Variants in CTDSPL observed in about 807,000 individuals in gnomAD.
CTDSPL encodes CTD small phosphatase like.
CTDSPL carries 8 observed loss-of-function variants against 30.5 expected under a neutral mutation model. That is an observed-to-expected ratio of 0.26 (90% CI 0.15 to 0.47). CTDSPL has a LOEUF of 0.47. CTDSPL is among the 20% of genes least tolerant of loss of function. The probability of loss-of-function intolerance (pLI) is 0.99; values close to 1 mark genes in which losing one functional copy is unlikely to be tolerated. For missense variants in CTDSPL, 248 were observed against 366.1 expected (o/e 0.68, Z 2.63); for synonymous variants, 110 against 137.9 (o/e 0.80, Z 1.42).
chr3:37,902,617 G>C (rs903505865), intron 1 of CTDSPL, among the ~76,000 whole-genome samples: 1 of 152,106 alleles, frequency 6.6e-6, no homozygotes, highest in Non-Finnish European at 1.5e-5. Flanking sequence ...TCTTCCTCTT[G>C]TTTCTCCTTC....
chr3:37,887,979 C>T (rs1235782157), intron 1 of CTDSPL, among the ~76,000 whole-genome samples: 1 of 152,172 alleles, frequency 6.6e-6, no homozygotes, highest in Non-Finnish European at 1.5e-5. Context: ...GTGGCAGTTA[C>T]ATAACAGGCT....
chr3:37,927,158 T>A (rs1698790097), intron 1 of CTDSPL, among the ~76,000 whole-genome samples: 1 of 152,060 alleles, frequency 6.6e-6, no homozygotes, highest in African/African-American at 2.4e-5. Flanking sequence ...TTGTAACCAT[T>A]GAAGAATAGA....
intron 3 of CTDSPL, among the ~76,000 whole-genome samples, chr3:37,963,025 C>G (rs941619550): frequency 6.6e-6 from 1 of 152,132 alleles, no homozygotes; most frequent in Non-Finnish European, 1.5e-5. Context: ...TAAAAATAAC[C>G]TGCTGACTCA....
chr3:37,946,709 G>A (rs775256864), intron 1 of CTDSPL, among the ~76,000 whole-genome samples: 2 of 152,192 alleles, frequency 1.3e-5, no homozygotes, highest in Non-Finnish European at 2.9e-5. Flanking sequence ...GTAGTGCTTG[G>A]TGCAGGGTGG....
chr3:37,924,328 G>A (rs1192213808), intron 1 of CTDSPL, among the ~76,000 whole-genome samples: 4 of 151,744 alleles, frequency 2.6e-5, no homozygotes, highest in Admixed American at 6.6e-5. Context: ...TTTTATCCAC[G>A]TGTACAAGGA....
chr3:37,865,495 T>C (rs1185450059), intron 1 of CTDSPL, among the ~76,000 whole-genome samples: 1 of 152,184 alleles, frequency 6.6e-6, no homozygotes, highest in East Asian at 1.9e-4. Context: ...ATAAAGTGAG[T>C]ACAGAGTTTT....
At chr3:37,890,294 A>T (rs1237170654) in intron 1 of CTDSPL, among the ~76,000 whole-genome samples, 1 of 152,238 alleles carries the variant, frequency 6.6e-6, no homozygotes, top group Non-Finnish European at 1.5e-5. Context: ...GTTAACTGTA[A>T]GGGAGTTGTA....
At chr3:37,902,797 G>A (rs1315878738) in intron 1 of CTDSPL, among the ~76,000 whole-genome samples, 2 of 152,128 alleles carry the variant, frequency 1.3e-5, no homozygotes, top group Non-Finnish European at 2.9e-5. Flanking sequence ...CCGGTCACCC[G>A]TTAACTACAG....
intron 1 of CTDSPL, among the ~76,000 whole-genome samples, chr3:37,931,251 A>G (rs984346142): frequency 1.3e-5 from 2 of 151,662 alleles, no homozygotes; most frequent in Non-Finnish European, 2.9e-5. Flanking sequence ...GGGCTCAAGC[A>G]ATCCTCCCAC....
chr3:37,887,109 T>C (rs1698271536), intron 1 of CTDSPL, among the ~76,000 whole-genome samples: 1 of 152,222 alleles, frequency 6.6e-6, no homozygotes. Context: ...GGCTCAGTAC[T>C]GCAGCCTGTG....
Position 37,862,833 on chromosome 3 carries a change from T to G in CTDSPL, c.79+555T>G, listed in dbSNP as rs1697960118. ...CATGAGCCTGGAGAGGTTCTATGCC[T>G]GTTCACTCCTGACAGAGTTTGTGAG... On this transcript the variant is annotated intron_variant, in intron 1 of 7. Transcript: ENST00000273179. This position sits in a 1 kb window ranked among gnomAD's most constrained non-coding sequence, Gnocchi z 4.3. Among the ~76,000 whole-genome samples, 1 of 152,220 alleles carries G rather than the reference T, an allele frequency of 6.6e-6. No individual in the cohort carries two copies. The highest frequency in any genetic ancestry group is 2.4e-5 in the African/African-American group (1 of 41,446).
chr3:37,901,950 G>A lies in CTDSPL; in HGVS notation c.79+39672G>A, dbSNP rs57897948. Among the ~76,000 whole-genome samples the A allele has an allele frequency of 8.0e-3, 1,219 of 152,256 alleles. 16 individuals carry two copies. The highest frequency in any genetic ancestry group is 0.027 in the African/African-American group (1,130 of 41,528). ...TTATCTTCCTGCCTATACTATCCTT[G>A]GTATGTGGCTTTCATCTTCGTGGTT... On this transcript the variant is annotated intron_variant, in intron 1 of 7. Transcript: ENST00000273179.
intron 1 of CTDSPL, among the ~76,000 whole-genome samples, chr3:37,943,718 CG>C (rs2125620939): frequency 6.7e-6 from 1 of 150,120 alleles, no homozygotes; most frequent in African/African-American, 2.4e-5. Flanking sequence ...TCAGTGGAAA[CG>C]TAAAGGGGGC....
rs537873115 is a variant in CTDSPL, at chr3:37,886,950, C to T, written c.79+24672C>T. Among the ~76,000 whole-genome samples the T allele has an allele frequency of 3.9e-5, 6 of 152,240 alleles. No homozygotes were observed. The East Asian group carries it at 7.7e-4, about 20-fold the overall frequency. On this transcript the variant is annotated intron_variant, in intron 1 of 7. Transcript: ENST00000273179. Reference sequence around the variant, plus strand: ...TCAGATCATCCTTTGAGAAAATCTGCTTTAGAGCTCATTCTTTGGTTCGGC... The same window carrying T: ...TCAGATCATCCTTTGAGAAAATCTGTTTTAGAGCTCATTCTTTGGTTCGGC...
chr3:37,929,160 A>G (rs555854955), intron 1 of CTDSPL, among the ~76,000 whole-genome samples: 4 of 152,304 alleles, frequency 2.6e-5, no homozygotes, highest in African/African-American at 7.2e-5. Context: ...TGCCAGTACC[A>G]TACTATTTTA....
At chr3:37,938,318 C>A (rs1295965307) in intron 1 of CTDSPL, among the ~76,000 whole-genome samples, 1 of 149,944 alleles carries the variant, frequency 6.7e-6, no homozygotes, top group Non-Finnish European at 1.5e-5. Context: ...AGGATGGTTC[C>A]AAAGCCTCCC....
At chr3:37,956,129 T>TA (rs2125626567) in intron 2 of CTDSPL, among the ~76,000 whole-genome samples, 1 of 152,304 alleles carries the variant, frequency 6.6e-6, no homozygotes, top group East Asian at 1.9e-4. Flanking sequence ...TACTTGCTCT[T>TA]ATGCTGCAGA....
chr3:37,980,307 G>A (rs1699475099), intron 7 of CTDSPL, among the ~76,000 whole-genome samples: 1 of 152,192 alleles, frequency 6.6e-6, no homozygotes, highest in Non-Finnish European at 1.5e-5. Flanking sequence ...GACCCTAAGT[G>A]GAAGCCTTCC....
At chr3:37,869,831 T>C (rs960970598) in intron 1 of CTDSPL, among the ~76,000 whole-genome samples, 1 of 152,142 alleles carries the variant, frequency 6.6e-6, no homozygotes, top group African/African-American at 2.4e-5. Flanking sequence ...GAATGTTAAC[T>C]TTTGTCTTAT....
Sources: allele counts gnomAD v4.1 joint callset (sites outside exome capture counted in the v4.1 genomes callset), GRCh38; gene constraint gnomAD v4.1.1; non-coding constraint Gnocchi (gnomAD v3.1); transcripts MANE v1.5; gene names NCBI Gene and HGNC (gene_info 2026-07-23, HGNC 2026-07-21).